The following NKAIN2 variants were observed in gnomAD, a reference collection of about 807,000 sequenced individuals.
NKAIN2 encodes the protein sodium/potassium transporting ATPase interacting 2.
In NKAIN2, 14 loss-of-function variants were observed where a neutral mutation model predicts 32.6. That is an observed-to-expected ratio of 0.43 (90% CI 0.28 to 0.67). NKAIN2 has a LOEUF of 0.67. NKAIN2 is among the 30% of genes least tolerant of loss of function. NKAIN2 has a pLI of 0.17. For synonymous variants in NKAIN2, 80 were observed against 87.2 expected (o/e 0.92, Z 0.46); for missense variants, 198 against 258.3 (o/e 0.77, Z 1.60).
Position 124,073,167 on chromosome 6 carries a change from C to T in NKAIN2, c.55-209838C>T, listed in dbSNP as rs75195501. Among the ~76,000 whole-genome samples the T allele has an allele frequency of 1.2e-3, 181 of 152,270 alleles. 1 individual carries two copies. In the East Asian group the frequency reaches 0.03, roughly 25 times the overall value. ...CAAGGAACTCTGAAGCTTGGATGGG[C>T]GGAGTTGTAACCTCAAAGAAAACAA... On this transcript the variant is annotated intron_variant, in intron 1 of 6. Coordinates refer to ENST00000368417, the MANE Select transcript of NKAIN2 (RefSeq NM_001040214.3).
Position 124,161,961 on chromosome 6 carries a change from TAAATA to T in NKAIN2, c.55-121032_55-121028del, listed in dbSNP as rs1391136481. 1.4e-4 allele frequency among the ~76,000 whole-genome samples: 21 copies of T among 152,172 alleles called. No homozygotes were observed. The South Asian group carries it at 2.7e-3, about 20-fold the overall frequency. On this transcript the variant is annotated intron_variant, in intron 1 of 6. Transcript: ENST00000368417. ...AAATAACAGTTGAAATTCTAAAAAA[TAAATA>T]AAATAAAATAATGAAAAATAAAATA...
At chr6:124,184,150 A>T (rs1392001519) in intron 1 of NKAIN2, among the ~76,000 whole-genome samples, 2 of 152,290 alleles carry the variant, frequency 1.3e-5, no homozygotes, top group South Asian at 4.1e-4. Flanking sequence ...AATCTAACTT[A>T]TCAAACTTAA....
At chr6:124,313,576 G>C (rs566559372) in intron 2 of NKAIN2, among the ~76,000 whole-genome samples, 1 of 152,148 alleles carries the variant, frequency 6.6e-6, no homozygotes, top group East Asian at 1.9e-4. Context: ...CCTCTTCCTT[G>C]CTATTCTGGG....
chr6:124,145,894 G>A (rs1262504600), intron 1 of NKAIN2, among the ~76,000 whole-genome samples: 1 of 152,146 alleles, frequency 6.6e-6, no homozygotes, highest in Admixed American at 6.5e-5. Context: ...ATATGGTTAT[G>A]AAAGGAAACA....
At chr6:124,171,999 A>C (rs1414342506) in intron 1 of NKAIN2, among the ~76,000 whole-genome samples, 1 of 151,750 alleles carries the variant, frequency 6.6e-6, no homozygotes, top group African/African-American at 2.4e-5. Flanking sequence ...TTTTTAGTAG[A>C]GACGGGGTTT....
chr6:124,646,320 T>C (rs148928935), intron 3 of NKAIN2, among the ~76,000 whole-genome samples: 1,816 of 152,192 alleles, frequency 0.012, 28 homozygotes, highest in Middle Eastern at 0.034. Context: ...TAGTTCACTA[T>C]TAGACTCGCA....
At chr6:124,673,394 G>T (rs75368631) in intron 4 of NKAIN2, among the ~76,000 whole-genome samples, 227 of 152,118 alleles carry the variant, frequency 1.5e-3, no homozygotes, top group African/African-American at 5.2e-3. Context: ...CAGTCCTTTG[G>T]CTAAATATCC....
intron 3 of NKAIN2, among the ~76,000 whole-genome samples, chr6:124,509,799 TC>T (rs1583359483): frequency 6.6e-6 from 1 of 152,186 alleles, no homozygotes; most frequent in South Asian, 2.1e-4. Context: ...TGAACACAAT[TC>T]TAAGAGGCAG....
At chr6:124,527,687 C>T (rs1779370787) in intron 3 of NKAIN2, among the ~76,000 whole-genome samples, 1 of 152,110 alleles carries the variant, frequency 6.6e-6, no homozygotes, top group Admixed American at 6.6e-5. Context: ...CATGATAAAG[C>T]ATGATAAATG....
intron 1 of NKAIN2, among the ~76,000 whole-genome samples, chr6:124,209,459 A>T (rs951705299): frequency 4.0e-5 from 6 of 151,856 alleles, no homozygotes; most frequent in African/African-American, 1.2e-4. Flanking sequence ...TCTTTGGGAT[A>T]TATACTCAGC....
intron 3 of NKAIN2, among the ~76,000 whole-genome samples, chr6:124,511,918 A>G (rs1016493498): frequency 6.6e-6 from 1 of 152,166 alleles, no homozygotes; most frequent in Admixed American, 6.5e-5. Context: ...TGACCCTCAA[A>G]AGGCCTCACC....
At chr6:124,241,969 T>A (rs1272263161) in intron 1 of NKAIN2, among the ~76,000 whole-genome samples, 1 of 151,874 alleles carries the variant, frequency 6.6e-6, no homozygotes, top group Non-Finnish European at 1.5e-5. Flanking sequence ...ACCTAGGCAA[T>A]ACCATTCAGG....
chr6:124,760,144 G>A (rs900451278), intron 4 of NKAIN2, among the ~76,000 whole-genome samples: 36 of 151,956 alleles, frequency 2.4e-4, no homozygotes, highest in Admixed American at 2.1e-3. Context: ...GCAAACTAAC[G>A]CAGGAACAGA....
intron 3 of NKAIN2, among the ~76,000 whole-genome samples, chr6:124,509,940 G>A (rs890013814): frequency 1.3e-5 from 2 of 152,120 alleles, no homozygotes; most frequent in Non-Finnish European, 2.9e-5. Context: ...ATTTGAAAAT[G>A]TTCCTTTCAG....
chr6:124,552,462 C>T (rs1425084877), intron 3 of NKAIN2, among the ~76,000 whole-genome samples: 3 of 152,102 alleles, frequency 2.0e-5, no homozygotes, highest in South Asian at 2.1e-4. Context: ...CAACTCTGAC[C>T]GTTTCTTTCG....
chr6:124,293,808 A>G (rs964866783), intron 2 of NKAIN2, among the ~76,000 whole-genome samples: 5 of 152,242 alleles, frequency 3.3e-5, no homozygotes, highest in Non-Finnish European at 4.4e-5. Context: ...GTAAGAGAAA[A>G]GTGACGACAG....
chr6:124,011,963 G>A (rs1399537273), intron 1 of NKAIN2, among the ~76,000 whole-genome samples: 1 of 152,118 alleles, frequency 6.6e-6, no homozygotes, highest in Non-Finnish European at 1.5e-5. Context: ...TAAGTCATAG[G>A]TCAATCTGAG....
chr6:124,352,919 C>T (rs1354112928), intron 2 of NKAIN2, among the ~76,000 whole-genome samples: 1 of 152,134 alleles, frequency 6.6e-6, no homozygotes, highest in African/African-American at 2.4e-5. Context: ...TTTGCCCTAA[C>T]ATTATACTCT....
chr6:124,652,241 G>T (rs895588999), intron 3 of NKAIN2, among the ~76,000 whole-genome samples: 5 of 152,118 alleles, frequency 3.3e-5, no homozygotes, highest in Non-Finnish European at 7.4e-5. Context: ...CCAAAAAGAT[G>T]TTTCCCATCT....
Sources: allele counts gnomAD v4.1 joint callset (sites outside exome capture counted in the v4.1 genomes callset), GRCh38; gene constraint gnomAD v4.1.1; transcripts MANE v1.5; gene names NCBI Gene and HGNC (gene_info 2026-07-23, HGNC 2026-07-21).